Variants in MINDY3 observed in about 807,000 individuals in gnomAD.
MINDY3 encodes MINDY lysine 48 deubiquitinase 3.
A neutral mutation model predicts 69.2 loss-of-function variants in MINDY3; 38 were observed. That is an observed-to-expected ratio of 0.55 (90% confidence interval 0.42 to 0.72). The LOEUF is 0.72. Ranked by LOEUF, MINDY3 falls within the 30% of genes least tolerant of loss-of-function variation. MINDY3 has a pLI of 0.00. For synonymous variants in MINDY3, 192 were observed against 180.1 expected (o/e 1.07, Z -0.53); for missense variants, 522 against 519.0 (o/e 1.01, Z -0.06).
chr10:15,801,527 G>A (rs1216013548), intron 10 of MINDY3, among the ~76,000 whole-genome samples: 6 of 151,958 alleles, frequency 3.9e-5, no homozygotes, highest in Non-Finnish European at 8.8e-5. Flanking sequence ...AATCCCATGA[G>A]CTCACCACCA....
chr10:15,813,947 G>A (rs1432380088), intron 10 of MINDY3, among the ~76,000 whole-genome samples: 2 of 124,356 alleles, frequency 1.6e-5, no homozygotes, highest in African/African-American at 3.1e-5. Context: ...TCAGGCCACT[G>A]AATGTATAAT....
Position 15,834,534 on chromosome 10 carries a change from G to C in MINDY3, c.650+9C>G. 1 of 1,598,390 alleles carries C rather than the reference G, an allele frequency of 6.3e-7. No homozygotes were observed. The highest frequency in any genetic ancestry group is 8.6e-7 in the Non-Finnish European group (1 of 1,169,420). On this transcript the variant is annotated intron_variant, in intron 7 of 14. Coordinates refer to ENST00000277632, the MANE Select transcript of MINDY3 (RefSeq NM_024948.4). ...TCACATGAGGAGACAAGAGATTTTA[G>C]TTAATTACCTGCCATGTCCATATAC...
intron 10 of MINDY3, among the ~76,000 whole-genome samples, chr10:15,800,711 G>T (rs903192885): frequency 6.6e-6 from 1 of 152,124 alleles, no homozygotes; most frequent in African/African-American, 2.4e-5. Context: ...ATGGATTGAG[G>T]TCTGCTGCTG....
At chr10:15,816,777 T>G in intron 10 of MINDY3, 58 bp downstream of exon 10, 1 of 1,174,350 alleles carries the variant, frequency 8.5e-7, no homozygotes. Flanking sequence ...AAATATGAAC[T>G]TATAATACTT....
chr10:15,813,010 G>A lies in MINDY3; in HGVS notation c.882+3825C>T, dbSNP rs538898942. Among the ~76,000 whole-genome samples the A allele has an allele frequency of 8.5e-5, 13 of 152,056 alleles. No individual in the cohort carries two copies. The South Asian group carries it at 2.7e-3, about 32-fold the overall frequency. ...TTGTACTCTTTGCTTACCTGAAATA[G>A]AACTAGAGAAGTCTTTTTTACCTAT... On this transcript the variant is annotated intron_variant, in intron 10 of 14. Coordinates refer to ENST00000277632, the MANE Select transcript of MINDY3 (RefSeq NM_024948.4).
At chr10:15,813,579 G>C (rs1839156499) in intron 10 of MINDY3, among the ~76,000 whole-genome samples, 1 of 152,158 alleles carries the variant, frequency 6.6e-6, no homozygotes, top group Admixed American at 6.5e-5. Flanking sequence ...ATTAAGAACA[G>C]ACCCATATCT....
chr10:15,845,267 T>C (rs1374985224), intron 2 of MINDY3, among the ~76,000 whole-genome samples: 1 of 151,554 alleles, frequency 6.6e-6, no homozygotes, highest in Non-Finnish European at 1.5e-5. Flanking sequence ...TCTTTATTCC[T>C]GGTGTGACAA....
rs201669904 is a variant in MINDY3, at chr10:15,816,887, A to T, written c.830T>A (p.Phe277Tyr). 105 of 1,613,252 alleles carry T rather than the reference A, an allele frequency of 6.5e-5. No individual in the cohort carries two copies. The highest frequency in any genetic ancestry group is 3.2e-4 in the Admixed American group (19 of 59,952). ...CTCACTGCCAACAATCCAAATAGGG[A>T]ATTTTGGAGATTTCAAGTAAGAACC... is the stretch of plus-strand genomic sequence containing the variant. The part of the protein sequence containing the change: ...KVGSYLKSPK[F>Y]PIWIVGSETH... The change falls in exon 10 of 15, where the codon TTC becomes TAC. Residue 277 changes from phenylalanine to tyrosine, a missense_variant. Physicochemically the swap from Phe to Tyr is conservative, Grantham distance 22. Transcript: ENST00000277632.
At chr10:15,817,171 CTATT>C (rs1417240231) in intron 9 of MINDY3, 2 of 350,530 alleles carry the variant, frequency 5.7e-6, no homozygotes, top group Non-Finnish European at 1.0e-5. Context: ...CTGGAGATAA[CTATT>C]TAGCCCTAAG....
At chr10:15,786,539 T>C in intron 13 of MINDY3, 22 bp downstream of exon 13, 1 of 1,323,182 alleles carries the variant, frequency 7.6e-7, no homozygotes, top group African/African-American at 1.5e-5. Flanking sequence ...TAACAATGAA[T>C]ATATTTCCTC....
chr10:15,821,772 T>C lies in MINDY3; in HGVS notation c.731-46A>G, dbSNP rs755265403. 9.4e-6 allele frequency: 14 copies of C among 1,488,124 alleles called. No homozygotes were observed. In the South Asian group the frequency reaches 1.4e-4, roughly 15 times the overall value. The allele number at this position is 1,488,124 out of a possible 1,614,324, so 92.2% of individuals were successfully genotyped here. On this transcript the variant is annotated intron_variant, in intron 8 of 14. Coordinates refer to ENST00000277632, the MANE Select transcript of MINDY3 (RefSeq NM_024948.4). ...AACAAAAAACGAAAACTTAGCATTG[T>C]AGTAGTGTGTATAAATTTGAAACGT...
intron 6 of MINDY3, among the ~76,000 whole-genome samples, chr10:15,835,401 T>A (rs988257794): frequency 6.6e-6 from 1 of 152,086 alleles, no homozygotes; most frequent in Non-Finnish European, 1.5e-5. Context: ...AGATGATTAA[T>A]TAACAACCAA....
chr10:15,829,133 G>A (rs199613061), intron 8 of MINDY3, among the ~76,000 whole-genome samples: 2 of 152,046 alleles, frequency 1.3e-5, no homozygotes, highest in African/African-American at 2.4e-5. Flanking sequence ...GAATGAAGCC[G>A]ACTGAGGTAA....
At chr10:15,819,448 T>C (rs1054008424) in intron 9 of MINDY3, among the ~76,000 whole-genome samples, 3 of 152,146 alleles carry the variant, frequency 2.0e-5, no homozygotes, top group East Asian at 3.9e-4. Context: ...TTCCAGCCAC[T>C]ACCATTATAG....
chr10:15,822,914 T>C (rs532566792), intron 8 of MINDY3, among the ~76,000 whole-genome samples: 8 of 152,298 alleles, frequency 5.3e-5, no homozygotes, highest in African/African-American at 1.9e-4. Context: ...TTTGGGTCCA[T>C]AATATATCTA....
chr10:15,793,068 ATTG>A (rs754318464), intron 11 of MINDY3, among the ~76,000 whole-genome samples: 7 of 152,148 alleles, frequency 4.6e-5, no homozygotes, highest in Non-Finnish European at 1.0e-4. Context: ...GCACTAGAGA[ATTG>A]TTGTTGTCCA....
intron 2 of MINDY3, among the ~76,000 whole-genome samples, chr10:15,845,501 C>T (rs1833766627): frequency 6.6e-6 from 1 of 151,702 alleles, no homozygotes; most frequent in African/African-American, 2.4e-5. Context: ...TTACGTGACT[C>T]TTTTTTTTCC....
intron 13 of MINDY3, among the ~76,000 whole-genome samples, chr10:15,784,600 C>T (rs1240848329): frequency 1.3e-5 from 2 of 152,068 alleles, no homozygotes; most frequent in African/African-American, 2.4e-5. Flanking sequence ...CAAAAATTAG[C>T]CAGGCCACCA....
At chr10:15,802,380 G>C (rs749373072) in intron 10 of MINDY3, among the ~76,000 whole-genome samples, 1 of 152,098 alleles carries the variant, frequency 6.6e-6, no homozygotes, top group Non-Finnish European at 1.5e-5. Flanking sequence ...ATGCCAGACA[G>C]CGAAGGAGAA....
Sources: gnomAD v4.1 joint callset for allele counts (sites outside exome capture counted in the v4.1 genomes callset) on GRCh38, gnomAD v4.1.1 for gene constraint, MANE v1.5 for transcripts, NCBI Gene and HGNC (gene_info 2026-07-23, HGNC 2026-07-21) for gene names.